Variants in CLIC6 observed in about 807,000 individuals in gnomAD.
The protein encoded by CLIC6 is chloride intracellular channel protein 6.
CLIC6 carries 39 observed loss-of-function variants against 49.2 expected under a neutral mutation model. That is an observed-to-expected ratio of 0.79 (90% confidence interval 0.61 to 1.04). The LOEUF is 1.04. Ranked by LOEUF, CLIC6 falls within the 50% of genes least tolerant of loss-of-function variation. The pLI, the probability that CLIC6 is intolerant of heterozygous loss-of-function variation, is 0.00. For missense variants in CLIC6, 988 were observed against 993.1 expected (o/e 0.99, Z 0.07); for synonymous variants, 446 against 433.4 (o/e 1.03, Z -0.36).
At chr21:34,676,486 G>A (rs1283254645) in intron 1 of CLIC6, among the ~76,000 whole-genome samples, 2 of 152,236 alleles carry the variant, frequency 1.3e-5, no homozygotes. Flanking sequence ...CATTATGTCT[G>A]TAGCATCTCC....
intron 1 of CLIC6, among the ~76,000 whole-genome samples, chr21:34,691,980 G>T (rs1990004002): frequency 6.6e-6 from 1 of 152,058 alleles, no homozygotes; most frequent in Non-Finnish European, 1.5e-5. Context: ...CAGTATTCCA[G>T]GTGACTTAAT....
At chr21:34,691,733 A>G (rs924905603) in intron 1 of CLIC6, among the ~76,000 whole-genome samples, 1 of 152,180 alleles carries the variant, frequency 6.6e-6, no homozygotes, top group Admixed American at 6.5e-5. Context: ...CTCCTTTACA[A>G]GCAATTTTGT....
At chr21:34,715,410 G>C (rs867452762) in intron 5 of CLIC6, among the ~76,000 whole-genome samples, 1 of 152,198 alleles carries the variant, frequency 6.6e-6, no homozygotes, top group East Asian at 1.9e-4. Flanking sequence ...CAGGGAGAAG[G>C]CTCTGTGAAG....
chr21:34,700,315 C>T (rs1314670280), intron 1 of CLIC6, among the ~76,000 whole-genome samples: 2 of 139,988 alleles, frequency 1.4e-5, no homozygotes, highest in East Asian at 2.0e-4. Flanking sequence ...TGCGTGGTGC[C>T]GGGCTCCTGT....
At position 34,669,329 on chromosome 21, in the gene CLIC6, C is replaced by T; in HGVS notation, c.-60C>T. The T allele has an allele frequency of 8.2e-7, 1 of 1,215,166 alleles. No individual in the cohort carries two copies. The highest frequency in any genetic ancestry group is 3.2e-5 in the East Asian group (1 of 31,602). The allele number at this position is 1,215,166 out of a possible 1,614,324, so 75.3% of individuals were successfully genotyped here. A position where few individuals can be genotyped will look rare whatever the true frequency, so the allele number is the denominator to read the frequency against. ...CCCGTAGCACGCCCCTTGCCCAGCG[C>T]CACCGACCCTTAAGCAGCGTCAAGG... On this transcript the variant is annotated 5_prime_UTR_variant, in exon 1 of 6. Coordinates refer to ENST00000349499, the MANE Select transcript of CLIC6 (RefSeq NM_053277.3).
rs778418723 is a variant in CLIC6, at chr21:34,707,302, T to C, written c.1397T>C (p.Ile466Thr). The C allele has an allele frequency of 5.6e-6, 9 of 1,614,000 alleles. No homozygotes were observed. The South Asian group carries it at 8.8e-5, about 16-fold the overall frequency. Reference protein sequence around the residue: ...FVKAGYDGESIGNCPFSQRLF... With the variant: ...FVKAGYDGESTGNCPFSQRLF... ...TAGGCTGGTTATGATGGTGAGAGTA[T>C]CGGAAATTGCCCGTTTTCTCAGCGT... The change falls in exon 2 of 6, where the codon ATC (isoleucine) becomes ACC (threonine). Residue 466 changes from isoleucine to threonine, a missense_variant. By Grantham distance (89) the Ile-to-Thr change is moderately conservative. Around this residue, in one of 3 missense-constraint regions of CLIC6, gnomAD observed 647 missense variants for 596.9 expected, o/e 1.08. Coordinates refer to ENST00000349499, the MANE Select transcript of CLIC6 (RefSeq NM_053277.3).
Position 34,670,494 on chromosome 21 carries a change from A to G in CLIC6, c.1106A>G (p.Glu369Gly). 3 of 1,491,870 alleles carry G rather than the reference A, an allele frequency of 2.0e-6. No homozygotes were observed. Among genetic ancestry groups the G allele is most frequent in the Non-Finnish European group, 2.7e-6 (3 of 1,120,600 alleles). The allele number at this position is 1,491,870 out of a possible 1,614,324, so 92.4% of individuals were successfully genotyped here. The part of the protein sequence containing the change: ...VGDGPQQEPG[E>G]DEERRERSPE... ...GATGGGCCACAGCAGGAGCCGGGGG[A>G]GGACGAAGAGAGACGAGAGCGGAGC... The change falls in exon 1 of 6, where the codon GAG (glutamate) becomes GGG (glycine). Residue 369 changes from glutamate (E) to glycine (G), a missense_variant. Physicochemically the swap from Glu to Gly is moderately conservative, Grantham distance 98. Coordinates refer to ENST00000349499, the MANE Select transcript of CLIC6 (RefSeq NM_053277.3).
At chr21:34,676,799 T>A (rs1989680267) in intron 1 of CLIC6, among the ~76,000 whole-genome samples, 1 of 152,210 alleles carries the variant, frequency 6.6e-6, no homozygotes, top group Non-Finnish European at 1.5e-5. Context: ...TCTTCAGGAT[T>A]TTCTAAAACA....
At chr21:34,686,483 A>G (rs569573044) in intron 1 of CLIC6, among the ~76,000 whole-genome samples, 1 of 152,348 alleles carries the variant, frequency 6.6e-6, no homozygotes, top group Admixed American at 6.5e-5. Context: ...AGTGTGGTGG[A>G]TTAAAGATGG....
chr21:34,716,090 G>A (rs1472829225), intron 5 of CLIC6, among the ~76,000 whole-genome samples: 1 of 152,186 alleles, frequency 6.6e-6, no homozygotes, highest in African/African-American at 2.4e-5. Context: ...CAAACTGGTG[G>A]GCAGAACTAT....
chr21:34,685,117 G>A (rs1191024374), intron 1 of CLIC6, among the ~76,000 whole-genome samples: 1 of 152,134 alleles, frequency 6.6e-6, no homozygotes, highest in Admixed American at 6.5e-5. Flanking sequence ...CCTAGCTTTG[G>A]TGGGGTGGCA....
At chr21:34,688,902 C>T (rs561754942) in intron 1 of CLIC6, among the ~76,000 whole-genome samples, 1 of 152,282 alleles carries the variant, frequency 6.6e-6, no homozygotes, top group Non-Finnish European at 1.5e-5. Flanking sequence ...ATGACTCCTT[C>T]GAAGGTGTCC....
chr21:34,710,531 G>A (rs557849813), intron 5 of CLIC6, among the ~76,000 whole-genome samples: 5 of 152,052 alleles, frequency 3.3e-5, no homozygotes, highest in Admixed American at 6.5e-5. Context: ...GTGAGTCCCC[G>A]GGCCAGGCAT....
intron 1 of CLIC6, among the ~76,000 whole-genome samples, chr21:34,698,473 GAGAA>G (rs1433272383): frequency 6.6e-6 from 1 of 151,178 alleles, no homozygotes; most frequent in African/African-American, 2.4e-5. Flanking sequence ...AGAAAGGAAA[GAGAA>G]AGACAGAAGG....
At chr21:34,711,712 G>C (rs2056057996) in intron 5 of CLIC6, among the ~76,000 whole-genome samples, 1 of 152,060 alleles carries the variant, frequency 6.6e-6, no homozygotes, top group African/African-American at 2.4e-5. Flanking sequence ...TCCTGGCCCT[G>C]TTGCTCCCTT....
chr21:34,681,267 AACTC>A (rs1196892692), intron 1 of CLIC6, among the ~76,000 whole-genome samples: 1 of 152,230 alleles, frequency 6.6e-6, no homozygotes, highest in Non-Finnish European at 1.5e-5. Context: ...ATCTCATAAG[AACTC>A]ACTCACTATC....
chr21:34,709,442 C>T lies in CLIC6; in HGVS notation c.1803C>T (p.Ser601=), dbSNP rs766141950. ...SPLPDEIDAY[S]TEDVTVSGRK... ...TGCCTGATGAAATAGATGCCTACAG[C>T]ACCGAGGATGTCACTGTTTCTGGAA... is the stretch of plus-strand genomic sequence containing the variant. The change falls in exon 5 of 6, where the codon AGC becomes AGT. Residue 601 remains serine (S), a synonymous_variant. Transcript: ENST00000349499. The T allele has an allele frequency of 1.9e-6, 3 of 1,613,934 alleles. No homozygotes were observed. Among genetic ancestry groups the T allele is most frequent in the African/African-American group, 1.3e-5 (1 of 75,040 alleles).
intron 1 of CLIC6, among the ~76,000 whole-genome samples, chr21:34,679,316 C>CT (rs1989732529): frequency 6.6e-6 from 1 of 152,186 alleles, no homozygotes; most frequent in African/African-American, 2.4e-5. Context: ...AACTCACTCA[C>CT]TATCACGAGA....
At position 34,669,841 on chromosome 21, in the gene CLIC6, C is replaced by T. The variant is rs566105353; in HGVS notation, c.453C>T (p.Ser151=). ...AGAGGCCTGAGGTCCCGGAAGGTAG[C>T]GCGTCCGGGGAGGCGGGGGACAGCG... ...AEQRPEVPEG[S]ASGEAGDSVD... The change falls in exon 1 of 6, where the codon AGC becomes AGT. Residue 151 remains serine, a synonymous_variant. Transcript: ENST00000349499. The T allele has an allele frequency of 1.4e-6, 2 of 1,406,020 alleles. No individual in the cohort carries two copies. Among genetic ancestry groups the T allele is most frequent in the South Asian group, 1.5e-5 (1 of 65,170 alleles). The allele number at this position is 1,406,020 out of a possible 1,614,324, so 87.1% of individuals were successfully genotyped here.
Sources: gnomAD v4.1 joint callset for allele counts (sites outside exome capture counted in the v4.1 genomes callset) on GRCh38, gnomAD v4.1.1 for gene constraint, gnomAD v4.1.1 regional missense constraint, MANE v1.5 for transcripts, NCBI Gene and HGNC (gene_info 2026-07-23, HGNC 2026-07-21) for gene names.